The following RABL3 variants were observed in gnomAD, a reference collection of about 807,000 sequenced individuals.
RABL3 encodes the protein rab-like protein 3.
A neutral mutation model predicts 31.8 loss-of-function variants in RABL3; 31 were observed. The observed-to-expected ratio is 0.97, with a 90% CI of 0.73 to 1.31. The LOEUF (loss-of-function observed/expected upper bound fraction) is 1.31. RABL3 is among the 40% of genes most tolerant of loss of function. The pLI is 0.00. For missense variants in RABL3, 263 were observed against 279.6 expected (o/e 0.94, Z 0.42); for synonymous variants, 97 against 99.9 (o/e 0.97, Z 0.18).
At position 120,711,164 on chromosome 3, in the gene RABL3, T is replaced by C. The variant is rs930998122; in HGVS notation, c.139-1255A>G. ...GGGTCCTTCTTATCTCTCTGATTTC[T>C]AATTGCTAATGTGTCTCAAGGTTTA... On this transcript the variant is annotated intron_variant, in intron 2 of 7. Transcript: ENST00000273375. Among the ~76,000 whole-genome samples the C allele has an allele frequency of 2.4e-4, 37 of 152,296 alleles. No individual in the cohort carries two copies. The Middle Eastern group carries it at 0.01, about 42-fold the overall frequency.
intron 5 of RABL3, among the ~76,000 whole-genome samples, chr3:120,694,457 G>A (rs1305960660): frequency 6.6e-6 from 1 of 152,046 alleles, no homozygotes; most frequent in East Asian, 1.9e-4. Context: ...CCAAATCAGT[G>A]TATTCATCAT....
rs1708357340 is a variant in RABL3 at position 120,689,769 on chromosome 3, T to A, written c.*54A>T. On this transcript the variant is annotated 3_prime_UTR_variant, in exon 8 of 8. Coordinates refer to ENST00000273375, the MANE Select transcript of RABL3 (RefSeq NM_173825.5). ...ATGGTAATAATTGAACACAGCAAGA[T>A]GAGCTGTGAAAAACTGCCACTGCTT... The A allele has an allele frequency of 3.5e-6, 4 of 1,154,872 alleles. No individual in the cohort carries two copies. Among genetic ancestry groups the A allele is most frequent in the Non-Finnish European group, 5.2e-6 (4 of 764,282 alleles). 71.5% of individuals were successfully genotyped at this position (1,154,872 alleles called of 1,614,324 possible). A position where few individuals can be genotyped will look rare whatever the true frequency, so the allele number is the denominator to read the frequency against.
intron 4 of RABL3, 118 bp from the exon 5 acceptor site, chr3:120,698,691 T>G: frequency 1.2e-6 from 1 of 847,634 alleles, no homozygotes; most frequent in Non-Finnish European, 1.8e-6. Flanking sequence ...TTTGCTGCCT[T>G]CACCTACAAA....
rs772301327 is a variant in RABL3, at chr3:120,709,772, T to C, written c.268+8A>G. On this transcript the variant is annotated splice_region_variant and intron_variant, in intron 3 of 7. Coordinates refer to ENST00000273375, the MANE Select transcript of RABL3 (RefSeq NM_173825.5). ...TTAATATAAGATAGAAATTTAAAAA[T>C]GTTTTACCATTTACGGAGTTGTAGA... The C allele has an allele frequency of 3.7e-6, 6 of 1,601,336 alleles. No individual in the cohort carries two copies. The highest frequency in any genetic ancestry group is 5.1e-6 in the Non-Finnish European group (6 of 1,172,800).
chr3:120,700,795 TATA>T lies in RABL3; in HGVS notation c.384-2225_384-2223del, dbSNP rs1708484028. ...GAGATATGGATGAAACAAGACTAGC[TATA>T]TGTTGATAATTGTTGAAACTAGGCA... On this transcript the variant is annotated intron_variant, in intron 4 of 7. Coordinates refer to ENST00000273375, the MANE Select transcript of RABL3 (RefSeq NM_173825.5). Among the ~76,000 whole-genome samples the T allele has an allele frequency of 2.0e-5, 3 of 152,240 alleles. No individual in the cohort carries two copies. The South Asian group carries it at 6.2e-4, about 32-fold the overall frequency.
intron 1 of RABL3, among the ~76,000 whole-genome samples, chr3:120,736,600 A>G (rs6438592): frequency 0.73 from 108,689 of 148,656 alleles, 40,415 homozygotes; most frequent in East Asian, 0.97. Flanking sequence ...TATTTTGCTC[A>G]TTAGTTGATG....
intron 2 of RABL3, among the ~76,000 whole-genome samples, chr3:120,716,970 TG>T (rs1304950660): frequency 2.0e-5 from 3 of 152,172 alleles, no homozygotes; most frequent in African/African-American, 7.2e-5. Flanking sequence ...ATGGAAGACA[TG>T]GCCAGGCATG....
At chr3:120,714,099 C>T (rs1006080220) in intron 2 of RABL3, among the ~76,000 whole-genome samples, 29 of 152,110 alleles carry the variant, frequency 1.9e-4, no homozygotes, top group Admixed American at 4.6e-4. Flanking sequence ...CGTAAGCCAC[C>T]GCGCCTGGCC....
chr3:120,710,303 G>T (rs1449602864), intron 2 of RABL3: 1 of 154,480 alleles, frequency 6.5e-6, no homozygotes, highest in Non-Finnish European at 1.4e-5. Flanking sequence ...GGAAAAATAC[G>T]CATTCAAGAT....
At chr3:120,733,849 A>G (rs955010361) in intron 1 of RABL3, among the ~76,000 whole-genome samples, 2 of 152,194 alleles carry the variant, frequency 1.3e-5, no homozygotes, top group African/African-American at 4.8e-5. Flanking sequence ...CAGGTTTGTC[A>G]AAGATTAGAT....
At chr3:120,737,220 G>T (rs1364935925) in intron 1 of RABL3, among the ~76,000 whole-genome samples, 2 of 151,956 alleles carry the variant, frequency 1.3e-5, no homozygotes, top group African/African-American at 4.8e-5. Flanking sequence ...GCCTTTGTTC[G>T]TTCTTTTTAC....
At chr3:120,720,470 C>T (rs1284072006) in intron 2 of RABL3, among the ~76,000 whole-genome samples, 11 of 152,262 alleles carry the variant, frequency 7.2e-5, no homozygotes, top group Admixed American at 6.5e-4. Flanking sequence ...CTAGAATAAT[C>T]AACACAGACA....
chr3:120,690,056 T>C (rs1022529996), intron 7 of RABL3, among the ~76,000 whole-genome samples, 168 bp from the exon 8 acceptor site: 33 of 152,090 alleles, frequency 2.2e-4, no homozygotes, highest in African/African-American at 7.2e-4. Context: ...TAAAAATAAA[T>C]CTTACCCAAA....
chr3:120,719,404 C>T (rs1316433631), intron 2 of RABL3, among the ~76,000 whole-genome samples: 3 of 152,184 alleles, frequency 2.0e-5, no homozygotes, highest in Non-Finnish European at 4.4e-5. Flanking sequence ...GGCGAGGCAT[C>T]GCCTCACCTG....
Position 120,696,897 on chromosome 3 carries a change from C to T in RABL3, c.534+1526G>A, listed in dbSNP as rs545859221. Among the ~76,000 whole-genome samples the T allele has an allele frequency of 2.6e-4, 39 of 152,192 alleles. No individual in the cohort carries two copies. In the South Asian group the frequency reaches 7.7e-3, roughly 30 times the overall value. On this transcript the variant is annotated intron_variant, in intron 5 of 7. Coordinates refer to ENST00000273375, the MANE Select transcript of RABL3 (RefSeq NM_173825.5). Reference sequence around the variant, plus strand: ...CAGCTGAGAAAAATGAGGGGCTCTCCGCTGCAAAGCAGAATGTAAAAAACA... The same window carrying T: ...CAGCTGAGAAAAATGAGGGGCTCTCTGCTGCAAAGCAGAATGTAAAAAACA...
intron 2 of RABL3, among the ~76,000 whole-genome samples, chr3:120,726,514 C>T (rs112150462): frequency 0.017 from 2,645 of 152,010 alleles, 83 homozygotes; most frequent in African/African-American, 0.061. Flanking sequence ...TAATCCCCGG[C>T]CAGAGTATCT....
intron 4 of RABL3, among the ~76,000 whole-genome samples, chr3:120,704,712 T>C (rs1283929848): frequency 1.3e-5 from 2 of 152,206 alleles, no homozygotes; most frequent in Non-Finnish European, 2.9e-5. Flanking sequence ...TTCTATTTTT[T>C]TTTATACTAG....
Position 120,718,980 on chromosome 3 carries a change from C to G in RABL3, c.139-9071G>C, listed in dbSNP as rs183937128. Among the ~76,000 whole-genome samples the G allele has an allele frequency of 2.0e-5, 3 of 152,014 alleles. No individual in the cohort carries two copies. In the East Asian group the frequency reaches 5.8e-4, roughly 29 times the overall value. On this transcript the variant is annotated intron_variant, in intron 2 of 7. Coordinates refer to ENST00000273375, the MANE Select transcript of RABL3 (RefSeq NM_173825.5). ...TCAAAGTATATAAATGAAAAATGGA[C>G]AGGATTAAAATGAGGAATAGACAAA... is the stretch of plus-strand genomic sequence containing the variant.
At chr3:120,709,994 A>G in intron 2 of RABL3, 85 bp from the exon 3 acceptor site, 1 of 977,348 alleles carries the variant, frequency 1.0e-6, no homozygotes, top group Non-Finnish European at 1.5e-6. Context: ...GCATTTCAGC[A>G]TCTTACTCTG....
Sources: gnomAD v4.1 joint callset for allele counts (sites outside exome capture counted in the v4.1 genomes callset) on GRCh38, gnomAD v4.1.1 for gene constraint, MANE v1.5 for transcripts, NCBI Gene and HGNC (gene_info 2026-07-23, HGNC 2026-07-21) for gene names.